ADAMTS9: variants seen among roughly 807,000 people sequenced by gnomAD.
The protein encoded by ADAMTS9 is ADAM metallopeptidase with thrombospondin type 1 motif 9, also known as A disintegrin and metalloproteinase with thrombospondin motifs 9.
A neutral mutation model predicts 257.1 loss-of-function variants in ADAMTS9; 107 were observed. The observed-to-expected ratio is 0.42, with a 90% CI of 0.36 to 0.49. The LOEUF (loss-of-function observed/expected upper bound fraction) is 0.49. Among genes scored for constraint, ADAMTS9 ranks in the 20% least tolerant of loss-of-function variants. The pLI is 0.03. For synonymous variants in ADAMTS9, 982 were observed against 880.9 expected, an observed-to-expected ratio of 1.11 and a Z score of -2.03; for missense variants, 2,353 against 2,469.1, an observed-to-expected ratio of 0.95 and a Z score of 1.00.
chr3:64,608,258 C>CAAAAAAAAAAAAAAAAAAAAAAAA (rs57247914), intron 22 of ADAMTS9, among the ~76,000 whole-genome samples: 2 of 53,314 alleles, frequency 3.8e-5, no homozygotes, highest in African/African-American at 1.3e-4. Flanking sequence ...AAACTAAAAC[C>CAAAAAAAAAAAAAAAAAAAAAAAA]AAAAAAAAAA....
intron 16 of ADAMTS9, among the ~76,000 whole-genome samples, chr3:64,626,484 A>T (rs141594385): frequency 8.5e-4 from 130 of 152,330 alleles, no homozygotes; most frequent in Admixed American, 1.3e-3. Context: ...GCCCTTGAGC[A>T]AAGCAGCCAT....
In ADAMTS9 at chr3:64,594,326, C is replaced by T. The variant is rs764054032; in HGVS notation, c.4288G>A (p.Asp1430Asn). 37 of 1,613,952 alleles carry T rather than the reference C, an allele frequency of 2.3e-5. No homozygotes were observed. Among genetic ancestry groups the T allele is most frequent in the Non-Finnish European group, 3.1e-5 (37 of 1,179,924 alleles). ...GCATGTGTGTTACACTGCTCACGAT[C>T]GGGAGGTTTATCAAGAATTTCACAG... Reference protein sequence around the residue: ...LSCEILDKPPDREQCNTHACP... With the variant: ...LSCEILDKPPNREQCNTHACP... Residue 1430 changes from aspartate to asparagine, a missense_variant, in exon 28 of 40, where the codon GAT becomes AAT. Physicochemically the swap from Asp to Asn is conservative, Grantham distance 23. Transcript: ENST00000498707.
intron 12 of ADAMTS9, among the ~76,000 whole-genome samples, chr3:64,641,085 T>C (rs1700624294): frequency 6.6e-6 from 1 of 151,828 alleles, no homozygotes; most frequent in South Asian, 2.1e-4. Context: ...ACATTATTGG[T>C]GGGAAAAAAA....
intron 11 of ADAMTS9, among the ~76,000 whole-genome samples, chr3:64,642,862 G>A (rs1700689150): frequency 6.6e-6 from 1 of 152,166 alleles, no homozygotes; most frequent in South Asian, 2.1e-4. Context: ...CACCAAGAGG[G>A]GAGAGGCAGA....
At chr3:64,616,692 C>A (rs1257171121) in intron 19 of ADAMTS9, among the ~76,000 whole-genome samples, 1 of 151,858 alleles carries the variant, frequency 6.6e-6, no homozygotes, top group Non-Finnish European at 1.5e-5. Flanking sequence ...TTTTAATACC[C>A]TAGGAATATG....
chr3:64,622,408 T>C lies in ADAMTS9; in HGVS notation c.2556+12A>G, dbSNP rs374429492. ...GAAGAAAAGGGTGGTGGGCTCATGGTCAAGTTTTTACCTGAAGCAAAAGTT... is the reference window on the plus strand; with the variant it reads ...GAAGAAAAGGGTGGTGGGCTCATGGCCAAGTTTTTACCTGAAGCAAAAGTT... On this transcript the variant is annotated intron_variant, in intron 17 of 39. Transcript: ENST00000498707. The C allele has an allele frequency of 4.7e-5, 76 of 1,613,616 alleles. No homozygotes were observed. The African/African-American group carries it at 9.2e-4, about 20-fold the overall frequency.
chr3:64,579,993 T>C (rs1203142857), intron 28 of ADAMTS9, among the ~76,000 whole-genome samples: 2 of 152,160 alleles, frequency 1.3e-5, no homozygotes. Flanking sequence ...CAAGAAACAT[T>C]GACAGTGCAT....
At chr3:64,649,516 A>G in intron 10 of ADAMTS9, 121 bp downstream of exon 10, 2 of 1,179,614 alleles carry the variant, frequency 1.7e-6, no homozygotes, top group Non-Finnish European at 2.3e-6. Flanking sequence ...ACTAATATGC[A>G]ATTTTACTCT....
chr3:64,547,834 C>T (rs1045957523), intron 31 of ADAMTS9, among the ~76,000 whole-genome samples: 1 of 151,856 alleles, frequency 6.6e-6, no homozygotes, highest in African/African-American at 2.4e-5. Flanking sequence ...TATAGTGTCC[C>T]AACTTTCAAC....
intron 37 of ADAMTS9, among the ~76,000 whole-genome samples, chr3:64,534,172 G>A (rs1469673054): frequency 6.6e-6 from 1 of 152,166 alleles, no homozygotes; most frequent in Non-Finnish European, 1.5e-5. Context: ...TAAACAAGAA[G>A]AGAGGCAAGG....
At chr3:64,590,061 C>G (rs1479178302) in intron 28 of ADAMTS9, 2 of 152,084 alleles carry the variant, frequency 1.3e-5, no homozygotes, top group Non-Finnish European at 2.9e-5. Flanking sequence ...TCATTATCTA[C>G]AAATTCAATA....
intron 22 of ADAMTS9, among the ~76,000 whole-genome samples, chr3:64,608,418 C>T (rs893635988): frequency 2.0e-5 from 3 of 151,572 alleles, no homozygotes; most frequent in Non-Finnish European, 4.4e-5. Flanking sequence ...GCTAGCACGA[C>T]TAAGAAAAAA....
chr3:64,640,238 C>G (rs79177969), intron 12 of ADAMTS9, among the ~76,000 whole-genome samples: 41,788 of 151,996 alleles, frequency 0.27, 7,498 homozygotes, highest in East Asian at 0.48. Context: ...ACAAAAATAA[C>G]TTAATTAATC....
chr3:64,580,348 C>G (rs1297129537), intron 28 of ADAMTS9, among the ~76,000 whole-genome samples: 6 of 152,130 alleles, frequency 3.9e-5, no homozygotes, highest in Admixed American at 3.9e-4. Flanking sequence ...ATCCAGGACT[C>G]TAAAACCAAT....
rs1701146463 is a variant in ADAMTS9, at chr3:64,658,709, T to C, written c.762A>G (p.Val254=). ...WGERINLAGD[V]AALNSGLATE... ...TTGCTAAGCCGCTGTTTAATGCTGCTACGTCACCAGCCAGGTTAATCCTTT... is the reference window on the plus strand; with the variant it reads ...TTGCTAAGCCGCTGTTTAATGCTGCCACGTCACCAGCCAGGTTAATCCTTT... Residue 254 remains valine, a synonymous_variant, in exon 4 of 40, where the codon GTA becomes GTG. Transcript: ENST00000498707. 1 of 1,614,210 alleles carries C rather than the reference T, an allele frequency of 6.2e-7. No homozygotes were observed. Among genetic ancestry groups the C allele is most frequent in the Non-Finnish European group, 8.5e-7 (1 of 1,180,030 alleles).
At chr3:64,520,812 AC>A (rs1355067856) in intron 39 of ADAMTS9, among the ~76,000 whole-genome samples, 1 of 152,180 alleles carries the variant, frequency 6.6e-6, no homozygotes, top group Non-Finnish European at 1.5e-5. Flanking sequence ...TACATTAAAG[AC>A]TTAAATGTAA....
At chr3:64,596,431 G>A (rs1292275535) in intron 27 of ADAMTS9, among the ~76,000 whole-genome samples, 2 of 152,138 alleles carry the variant, frequency 1.3e-5, no homozygotes, top group African/African-American at 4.8e-5. Context: ...TAGTGACTTG[G>A]AATGTTGGGA....
At chr3:64,610,947 G>A (rs1302118743) in intron 22 of ADAMTS9, among the ~76,000 whole-genome samples, 4 of 151,590 alleles carry the variant, frequency 2.6e-5, no homozygotes, top group South Asian at 2.1e-4. Context: ...ATGGTGGCAC[G>A]CACCTGTAAT....
chr3:64,588,778 T>C (rs930294994), intron 28 of ADAMTS9: 2 of 152,208 alleles, frequency 1.3e-5, no homozygotes, highest in African/African-American at 4.8e-5. Context: ...TTCATAGGCA[T>C]ACAATCTCTG....
Sources: allele counts gnomAD v4.1 joint callset (sites outside exome capture counted in the v4.1 genomes callset), GRCh38; gene constraint gnomAD v4.1.1; transcripts MANE v1.5; gene names NCBI Gene and HGNC (gene_info 2026-07-23, HGNC 2026-07-21).